Variants in MATN2 observed in about 807,000 individuals in gnomAD.
MATN2 encodes the protein matrilin 2.
Under a neutral mutation model 103.2 loss-of-function variants are expected in MATN2, and 69 were observed. That is an observed-to-expected ratio of 0.67 (90% CI 0.55 to 0.82). The LOEUF (loss-of-function observed/expected upper bound fraction) is 0.82. Ranked by LOEUF, MATN2 falls within the 40% of genes least tolerant of loss-of-function variation. MATN2 has a pLI of 0.00. For synonymous variants in MATN2, 429 were observed against 450.2 expected (o/e 0.95, Z 0.60); for missense variants, 1,023 against 1,211.5 (o/e 0.84, Z 2.31).
intron 2 of MATN2, among the ~76,000 whole-genome samples, chr8:97,893,896 C>T (rs1404228394): frequency 2.6e-5 from 4 of 152,336 alleles, no homozygotes; most frequent in African/African-American, 9.6e-5. Context: ...AGTCAGCCAG[C>T]TTGTGGTCTC....
chr8:98,034,260 A>C (rs1814154920), intron 18 of MATN2: 1 of 441,876 alleles, frequency 2.3e-6, no homozygotes, highest in Non-Finnish European at 4.6e-6. Flanking sequence ...AACAATATTA[A>C]ATAAAAGGAA....
intron 10 of MATN2, among the ~76,000 whole-genome samples, chr8:98,014,472 G>A (rs558590985): frequency 6.6e-6 from 1 of 152,190 alleles, no homozygotes; most frequent in African/African-American, 2.4e-5. Flanking sequence ...GGGCAAACAG[G>A]AGGGTCCAAC....
intron 2 of MATN2, among the ~76,000 whole-genome samples, chr8:97,894,873 A>AC (rs1337957460): frequency 2.0e-5 from 3 of 147,788 alleles, no homozygotes; most frequent in East Asian, 2.0e-4. Flanking sequence ...ATATTTATTA[A>AC]CCCCCCCTTT....
At chr8:98,028,085 A>G (rs1423690609) in intron 14 of MATN2, among the ~76,000 whole-genome samples, 1 of 152,110 alleles carries the variant, frequency 6.6e-6, no homozygotes, top group African/African-American at 2.4e-5. Flanking sequence ...GTATCCTCTC[A>G]CTGTGATTTA....
At position 97,920,911 on chromosome 8, in the gene MATN2, G is replaced by T. The variant is rs935454078; in HGVS notation, c.143-10042G>T. 9.9e-5 allele frequency among the ~76,000 whole-genome samples: 15 copies of T among 152,206 alleles called. 1 individual carries two copies. Among genetic ancestry groups the T allele is most frequent in the Non-Finnish European group, 1.6e-4 (11 of 68,038 alleles). On this transcript the variant is annotated intron_variant, in intron 2 of 18. Transcript: ENST00000254898. ...ATTCTGAGACCAGGACTGATTAGGG[G>T]TGTCGGTCACAGATGCCAGGGCTGG...
At chr8:98,024,021 C>T (rs1043518786) in intron 13 of MATN2, among the ~76,000 whole-genome samples, 2 of 152,110 alleles carry the variant, frequency 1.3e-5, no homozygotes, top group Admixed American at 6.6e-5. Context: ...AGGGGAACAA[C>T]ACACACCGGG....
chr8:97,907,466 C>A (rs1819216162), intron 2 of MATN2, among the ~76,000 whole-genome samples: 1 of 150,668 alleles, frequency 6.6e-6, no homozygotes, highest in South Asian at 2.1e-4. Context: ...CGCCCGCCAC[C>A]ACAGCTGGCT....
intron 1 of MATN2, among the ~76,000 whole-genome samples, chr8:97,884,443 G>A (rs1287411128): frequency 2.6e-5 from 4 of 152,166 alleles, no homozygotes; most frequent in Non-Finnish European, 4.4e-5. Context: ...CCAGTCAACA[G>A]TGTATACTAT....
intron 5 of MATN2, among the ~76,000 whole-genome samples, chr8:97,973,660 C>T (rs1811735717): frequency 6.6e-6 from 1 of 150,800 alleles, no homozygotes; most frequent in Admixed American, 6.6e-5. Context: ...GCCTCAATCT[C>T]CCAAACTCAA....
intron 2 of MATN2, among the ~76,000 whole-genome samples, chr8:97,915,231 G>A (rs1171156718): frequency 6.6e-6 from 1 of 152,026 alleles, no homozygotes; most frequent in Non-Finnish European, 1.5e-5. Flanking sequence ...GGCTCAGGCA[G>A]TCCTCCTGCC....
rs951113098 is a variant in MATN2 at position 97,889,455 on chromosome 8, C to A, written c.142+1213C>A. On this transcript the variant is annotated intron_variant, in intron 2 of 18. Coordinates refer to ENST00000254898, the MANE Select transcript of MATN2 (RefSeq NM_002380.5). Reference sequence around the variant, plus strand: ...AAACAACATCTCTCTCTCTCTCTCTCTGTCTATATATATATATATATATAT... The same window carrying A: ...AAACAACATCTCTCTCTCTCTCTCTATGTCTATATATATATATATATATAT... Among the ~76,000 whole-genome samples, 13 of 29,912 alleles carry A rather than the reference C, an allele frequency of 4.3e-4. No individual in the cohort carries two copies. In the South Asian group the frequency reaches 6.9e-3, roughly 16 times the overall value. 19.6% of individuals were successfully genotyped at this position (29,912 alleles called of 152,430 possible). A position where few individuals can be genotyped will look rare whatever the true frequency, so the allele number is the denominator to read the frequency against.
At chr8:97,900,799 G>A (rs1302203264) in intron 2 of MATN2, among the ~76,000 whole-genome samples, 1 of 152,104 alleles carries the variant, frequency 6.6e-6, no homozygotes, top group Non-Finnish European at 1.5e-5. Flanking sequence ...GACGGGTGTG[G>A]TGGCGGGCAC....
intron 4 of MATN2, among the ~76,000 whole-genome samples, chr8:97,959,448 C>T (rs1200841363): frequency 6.6e-6 from 1 of 152,216 alleles, no homozygotes. Flanking sequence ...TCTTTGATTA[C>T]TCACTACGAT....
intron 6 of MATN2, among the ~76,000 whole-genome samples, chr8:97,981,811 G>T (rs1187330732): frequency 6.6e-6 from 1 of 152,166 alleles, no homozygotes; most frequent in African/African-American, 2.4e-5. Context: ...GGCTCAGCAT[G>T]CCTCCTGTCC....
At chr8:97,963,637 T>A (rs1377236669) in intron 5 of MATN2, among the ~76,000 whole-genome samples, 1 of 152,058 alleles carries the variant, frequency 6.6e-6, no homozygotes, top group Non-Finnish European at 1.5e-5. Flanking sequence ...AGATGGGCGT[T>A]TCTCTGCGGC....
At chr8:97,975,167 C>T (rs140716126) in intron 5 of MATN2, among the ~76,000 whole-genome samples, 11 of 152,290 alleles carry the variant, frequency 7.2e-5, no homozygotes, top group African/African-American at 2.4e-4. Flanking sequence ...GTTCTAACTG[C>T]CTTGAGTGTG....
intron 2 of MATN2, among the ~76,000 whole-genome samples, chr8:97,918,271 G>A (rs1809699475): frequency 6.6e-6 from 1 of 152,110 alleles, no homozygotes; most frequent in Non-Finnish European, 1.5e-5. Context: ...TTGTCTCAAT[G>A]ACCCCTGCAC....
intron 2 of MATN2, among the ~76,000 whole-genome samples, chr8:97,929,201 C>T (rs1249639976): frequency 6.6e-6 from 1 of 152,170 alleles, no homozygotes; most frequent in Non-Finnish European, 1.5e-5. Context: ...TGTGTGCAGG[C>T]ACTCAGGGAC....
chr8:98,028,156 A>G (rs1467105237), intron 14 of MATN2, among the ~76,000 whole-genome samples: 1 of 152,194 alleles, frequency 6.6e-6, no homozygotes, highest in Non-Finnish European at 1.5e-5. Context: ...GTTCCGAAAC[A>G]CTGGTCGGCT....
Sources: allele counts gnomAD v4.1 joint callset (sites outside exome capture counted in the v4.1 genomes callset), GRCh38; gene constraint gnomAD v4.1.1; transcripts MANE v1.5; gene names NCBI Gene and HGNC (gene_info 2026-07-23, HGNC 2026-07-21).